CLPTM1: variants seen among roughly 807,000 people sequenced by gnomAD.
The protein encoded by CLPTM1 is putative lipid scramblase CLPTM1.
Under a neutral mutation model 77.3 loss-of-function variants are expected in CLPTM1, and 21 were observed. The ratio of observed to expected loss-of-function variants is 0.27; its 90% CI spans 0.19 to 0.39. The LOEUF is 0.39. Among genes scored for constraint, CLPTM1 ranks in the 10% least tolerant of loss-of-function variants. CLPTM1 has a pLI of 1.00. For missense variants in CLPTM1, 642 were observed against 921.2 expected (o/e 0.70, Z 3.92); for synonymous variants, 373 against 381.0 (o/e 0.98, Z 0.24).
chr19:44,955,017 G>T (rs755121340), upstream of CLPTM1: 2 of 1,535,704 alleles, frequency 1.3e-6, no homozygotes, highest in Admixed American at 3.9e-5. Context: ...AACATGGAAC[G>T]AAAAGGACGC....
chr19:44,974,092 G>A (rs1306871881), intron 3 of CLPTM1, among the ~76,000 whole-genome samples: 1 of 152,060 alleles, frequency 6.6e-6, no homozygotes, highest in African/African-American at 2.4e-5. Flanking sequence ...GCTCTGGACT[G>A]CTTCGTCCAT....
chr19:44,973,038 C>A, intron 2 of CLPTM1, 49 bp from the exon 3 acceptor site: 1 of 1,601,582 alleles, frequency 6.2e-7, no homozygotes, highest in Non-Finnish European at 8.5e-7. Context: ...GGGTCTATGG[C>A]GGAGAGCCAA....
At chr19:44,967,459 G>T (rs1970651674) in intron 2 of CLPTM1, among the ~76,000 whole-genome samples, 1 of 152,090 alleles carries the variant, frequency 6.6e-6, no homozygotes. Flanking sequence ...GGGAGTTCCA[G>T]ACCAGCCTGA....
At chr19:44,969,630 C>T (rs1169588398) in intron 2 of CLPTM1, among the ~76,000 whole-genome samples, 1 of 151,944 alleles carries the variant, frequency 6.6e-6, no homozygotes, top group East Asian at 1.9e-4. Flanking sequence ...CATCCACACT[C>T]CAGGCAACAG....
intron 1 of CLPTM1, among the ~76,000 whole-genome samples, chr19:44,957,584 C>G (rs1287875761): frequency 2.6e-5 from 4 of 152,252 alleles, no homozygotes; most frequent in African/African-American, 9.6e-5. Flanking sequence ...CTGGTGGTCT[C>G]AGCTACTTCT....
chr19:44,961,371 C>G (rs1006684715), intron 1 of CLPTM1, among the ~76,000 whole-genome samples: 8 of 152,196 alleles, frequency 5.3e-5, no homozygotes, highest in African/African-American at 1.9e-4. Context: ...GCTCTTTCAG[C>G]TAAGCCCCAG....
rs117221241 is a variant in CLPTM1 at position 44,988,786 on chromosome 19, C to T, written c.1132+613C>T. Reference sequence around the variant, plus strand: ...CTCTCATCTTCTAGGCCCTGCAGGCCACTTCTTCCTTGCCCAGAGCACCCC... The same window carrying T: ...CTCTCATCTTCTAGGCCCTGCAGGCTACTTCTTCCTTGCCCAGAGCACCCC... On this transcript the variant is annotated intron_variant, in intron 9 of 13. Transcript: ENST00000337392. Among the ~76,000 whole-genome samples the T allele has an allele frequency of 1.2e-4, 18 of 152,376 alleles. No individual in the cohort carries two copies. The East Asian group carries it at 3.5e-3, about 29-fold the overall frequency.
intron 2 of CLPTM1, among the ~76,000 whole-genome samples, chr19:44,966,998 C>CAT (rs1970642051): frequency 1.3e-5 from 2 of 152,044 alleles, no homozygotes; most frequent in Admixed American, 1.3e-4. Context: ...CCCGCCACAG[C>CAT]GCCCGGCTAA....
chr19:44,975,889 G>T (rs1003938069), intron 4 of CLPTM1, among the ~76,000 whole-genome samples: 45 of 152,042 alleles, frequency 3.0e-4, no homozygotes, highest in African/African-American at 1.0e-3. Context: ...TTGAGATGGG[G>T]TCTTGCTCTG....
intron 8 of CLPTM1, 47 bp downstream of exon 8, chr19:44,987,470 G>A (rs751068046): frequency 1.2e-5 from 20 of 1,603,212 alleles, no homozygotes; most frequent in African/African-American, 4.0e-5. Flanking sequence ...CTTCCTGGGC[G>A]CAAGAGGCCA....
rs1276967530 is a variant in CLPTM1, at chr19:44,987,234, C to T, written c.849C>T (p.Asp283=). The change falls in exon 8 of 14, where the codon GAC becomes GAT. Residue 283 remains aspartate, a synonymous_variant. Coordinates refer to ENST00000337392, the MANE Select transcript of CLPTM1 (RefSeq NM_001294.4). ...GDYYPIIYFN[D]YWNLQKDYYP... ...ACTATCCCATCATCTACTTCAATGA[C>T]TACTGGAACCTGCAGAAGGACTACT... 1 of 1,614,264 alleles carries T rather than the reference C, an allele frequency of 6.2e-7. No homozygotes were observed.
chr19:44,986,686 C>A, intron 7 of CLPTM1, 111 bp downstream of exon 7: 1 of 1,389,400 alleles, frequency 7.2e-7, no homozygotes, highest in Non-Finnish European at 9.7e-7. Flanking sequence ...TCCAGGGCTC[C>A]ACCCTCCCAA....
At position 44,990,823 on chromosome 19, in the gene CLPTM1, T is replaced by G. The variant is rs1971060801; in HGVS notation, c.1324-27T>G. 6.3e-7 allele frequency: 1 copy of G among 1,580,176 alleles called. No homozygotes were observed. The highest frequency in any genetic ancestry group is 1.7e-5 in the Admixed American group (1 of 59,722). On this transcript the variant is annotated intron_variant, in intron 10 of 13. Transcript: ENST00000337392. This position sits in a 1 kb window ranked among gnomAD's most constrained non-coding sequence, Gnocchi z 4.8. ...GTGGGGTGGGAGCCAGCGTAGCAACTGACCATGGCACCCACCTCATCCACA... is the reference window on the plus strand; with the variant it reads ...GTGGGGTGGGAGCCAGCGTAGCAACGGACCATGGCACCCACCTCATCCACA...
intron 1 of CLPTM1, among the ~76,000 whole-genome samples, chr19:44,957,092 A>G (rs566964322): frequency 1.3e-5 from 2 of 152,222 alleles, no homozygotes; most frequent in African/African-American, 2.4e-5. Context: ...TTCCAAGAGC[A>G]GGGGGGCAAA....
At position 44,955,435 on chromosome 19, in the gene CLPTM1, G is replaced by A. The variant is rs962978211; in HGVS notation, c.40G>A (p.Val14Met). Residue 14 changes from valine to methionine, a missense_variant, in exon 1 of 14, where the codon GTG becomes ATG. Val to Met is a conservative substitution (Grantham distance 21). Around this residue, in one of 2 missense-constraint regions of CLPTM1, gnomAD observed 121 missense variants for 120.8 expected, o/e 1.00. Coordinates refer to ENST00000337392, the MANE Select transcript of CLPTM1 (RefSeq NM_001294.4). ...AQEADGARSA[V>M]VAAGGGSSGQ... ...GGAGGCGGACGGGGCCCGCAGCGCC[G>A]TGGTGGCGGCCGGGGGAGGCAGCTC... 2.3e-5 allele frequency: 31 copies of A among 1,333,880 alleles called. No individual in the cohort carries two copies. The highest frequency in any genetic ancestry group is 7.9e-5 in the Admixed American group (2 of 25,470). The allele number at this position is 1,333,880 out of a possible 1,614,324, so 82.6% of individuals were successfully genotyped here. A position where few individuals can be genotyped will look rare whatever the true frequency, so the allele number is the denominator to read the frequency against.
Position 44,973,047 on chromosome 19 carries a change from A to G in CLPTM1, c.186-40A>G, listed in dbSNP as rs559833402. On this transcript the variant is annotated intron_variant, in intron 2 of 13. Coordinates refer to ENST00000337392, the MANE Select transcript of CLPTM1 (RefSeq NM_001294.4). Reference sequence around the variant, plus strand: ...TCAGGCGGGTCTATGGCGGAGAGCCAAGGCTTGGGGACTCACCACCTTGCT... The same window carrying G: ...TCAGGCGGGTCTATGGCGGAGAGCCGAGGCTTGGGGACTCACCACCTTGCT... The G allele has an allele frequency of 2.9e-4, 466 of 1,606,060 alleles. 2 individuals are homozygous for G. The South Asian group carries it at 3.3e-3, about 12-fold the overall frequency.
In CLPTM1 at chr19:44,990,468, G is replaced by A. The variant is rs1316390767; in HGVS notation, c.1206G>A (p.Gln402=). ...GCTCCGTCTTCTTCGGCGTTTTCCA[G>A]TCATTCGTGGTCCTCCTCTACATCC... is the stretch of plus-strand genomic sequence containing the variant. ...SVRSVFFGVF[Q]SFVVLLYILD... is the part of the protein sequence containing the mutation. The change falls in exon 10 of 14, where the codon CAG becomes CAA. Residue 402 remains glutamine (Q), a synonymous_variant. Transcript: ENST00000337392. The surrounding 1 kb of genome is among the most constrained non-coding windows in gnomAD (Gnocchi z 4.8). 1.9e-6 allele frequency: 3 copies of A among 1,614,136 alleles called. No homozygotes were observed. The highest frequency in any genetic ancestry group is 2.5e-6 in the Non-Finnish European group (3 of 1,180,000).
intron 2 of CLPTM1, among the ~76,000 whole-genome samples, chr19:44,966,201 G>A (rs1400244532): frequency 6.6e-6 from 1 of 152,158 alleles, no homozygotes; most frequent in African/African-American, 2.4e-5. Flanking sequence ...CACGAGGTTA[G>A]GAGATCGAGA....
At chr19:44,962,329 A>G (rs1970557460) in intron 2 of CLPTM1, among the ~76,000 whole-genome samples, 1 of 152,082 alleles carries the variant, frequency 6.6e-6, no homozygotes. Flanking sequence ...AAATAAAAAC[A>G]CAAAAAATAC....
Sources: allele counts gnomAD v4.1 joint callset (sites outside exome capture counted in the v4.1 genomes callset), GRCh38; gene constraint gnomAD v4.1.1; regional missense constraint gnomAD v4.1.1; non-coding constraint Gnocchi (gnomAD v3.1); transcripts MANE v1.5; gene names NCBI Gene and HGNC (gene_info 2026-07-23, HGNC 2026-07-21).